OR7E24: variants seen among roughly 807,000 people sequenced by gnomAD.
The protein encoded by OR7E24 is olfactory receptor 7E24.
For synonymous variants in OR7E24, 130 were observed against 157.5 expected, an observed-to-expected ratio of 0.83 and a Z score of 1.31; for missense variants, 385 against 410.3, an observed-to-expected ratio of 0.94 and a Z score of 0.53.
the OR7E24 span, among the ~76,000 whole-genome samples, chr19:9,240,813 CTTTT>C: frequency 6.6e-6 from 1 of 151,826 alleles, no homozygotes; most frequent in Non-Finnish European, 1.5e-5. Flanking sequence ...AAGCTATTGA[CTTTT>C]TATTTATTTA....
At chr19:9,228,587 A>T in the OR7E24 span, among the ~76,000 whole-genome samples, 1,042 of 152,314 alleles carry the variant, frequency 6.8e-3, 19 homozygotes, top group Middle Eastern at 0.027. Flanking sequence ...AGAGGTAATA[A>T]ATGAAGCCCT....
the OR7E24 span, among the ~76,000 whole-genome samples, chr19:9,236,632 A>G: frequency 6.6e-6 from 1 of 151,780 alleles, no homozygotes; most frequent in African/African-American, 2.4e-5. Context: ...TCTGCTGAAG[A>G]GCTCTCTCAG....
the OR7E24 span, among the ~76,000 whole-genome samples, chr19:9,223,203 G>T: frequency 6.6e-6 from 1 of 151,980 alleles, no homozygotes; most frequent in South Asian, 2.1e-4. Flanking sequence ...TGGCTGGCTG[G>T]TCTCCTCAAG....
At chr19:9,243,293 T>A (rs1241313453), upstream of OR7E24, among the ~76,000 whole-genome samples, 7 of 151,670 alleles carry the variant, frequency 4.6e-5, no homozygotes, top group Non-Finnish European at 8.8e-5. Flanking sequence ...CTTTCCCCAA[T>A]GCATGGTGGC....
At chr19:9,242,111 T>C in the OR7E24 span, among the ~76,000 whole-genome samples, 1 of 152,206 alleles carries the variant, frequency 6.6e-6, no homozygotes, top group Admixed American at 6.5e-5. Context: ...CTAAACTTGG[T>C]TGTGTTCTTG....
At chr19:9,232,001 C>T in the OR7E24 span, among the ~76,000 whole-genome samples, 1 of 152,086 alleles carries the variant, frequency 6.6e-6, no homozygotes, top group Non-Finnish European at 1.5e-5. Context: ...ATTACTTAGG[C>T]AGCTAGTGAG....
the OR7E24 span, chr19:9,236,088 C>A: frequency 7.2e-7 from 1 of 1,390,514 alleles, no homozygotes; most frequent in East Asian, 2.3e-5. Context: ...TCTTACGGTA[C>A]ACAACCTCAG....
At chr19:9,227,548 C>T in the OR7E24 span, among the ~76,000 whole-genome samples, 6 of 151,930 alleles carry the variant, frequency 3.9e-5, no homozygotes, top group Non-Finnish European at 8.8e-5. Flanking sequence ...TTTTTTATGG[C>T]TGCATAGTAT....
chr19:9,216,229 G>C, the OR7E24 span, among the ~76,000 whole-genome samples: 1 of 152,150 alleles, frequency 6.6e-6, no homozygotes. Context: ...TCCTGCCTCT[G>C]TGGCCTCCTT....
upstream of OR7E24, chr19:9,247,651 AT>A (rs2066134349): frequency 2.5e-6 from 1 of 397,258 alleles, no homozygotes; most frequent in African/African-American, 2.1e-5. Flanking sequence ...TTCGGGGTTT[AT>A]TTTCAGGGTT....
the OR7E24 span, among the ~76,000 whole-genome samples, chr19:9,238,194 A>C: frequency 2.0e-5 from 3 of 152,182 alleles, no homozygotes; most frequent in African/African-American, 4.8e-5. Flanking sequence ...GAATGCTTGA[A>C]GCTGGGAGGC....
the OR7E24 span, chr19:9,214,477 C>T: frequency 1.2e-6 from 2 of 1,614,054 alleles, no homozygotes; most frequent in Non-Finnish European, 1.7e-6. Flanking sequence ...ACAAACCGGT[C>T]ATAGGCCATC....
chr19:9,226,610 T>G, the OR7E24 span, among the ~76,000 whole-genome samples: 121 of 152,326 alleles, frequency 7.9e-4, no homozygotes, highest in African/African-American at 2.6e-3. Context: ...TTGTGAGAGC[T>G]AAAAACATAA....
Position 9,252,068 on chromosome 19 carries a change from G to A in OR7E24, c.*5G>A. The A allele has an allele frequency of 6.2e-7, 1 of 1,608,328 alleles. No individual in the cohort carries two copies. The highest frequency in any genetic ancestry group is 8.5e-7 in the Non-Finnish European group (1 of 1,176,544). ...CCTTTTTGTTATATGGGATAGAAAT[G>A]GCAGCAAAATTTAACACCTAGGCCT... On this transcript the variant is annotated 3_prime_UTR_variant, in exon 1 of 1. Transcript: ENST00000456448.
the OR7E24 span, among the ~76,000 whole-genome samples, chr19:9,222,569 A>G: frequency 6.6e-6 from 1 of 152,154 alleles, no homozygotes. Flanking sequence ...CCAATTATAA[A>G]TAGGATTATT....
At chr19:9,248,082 T>C (rs780077311), upstream of OR7E24, among the ~76,000 whole-genome samples, 4 of 152,162 alleles carry the variant, frequency 2.6e-5, no homozygotes, top group Non-Finnish European at 5.9e-5. Context: ...AAATTTTACA[T>C]TCCTCCCATG....
At chr19:9,246,438 G>C (rs994705795), upstream of OR7E24, among the ~76,000 whole-genome samples, 7 of 146,596 alleles carry the variant, frequency 4.8e-5, no homozygotes, top group East Asian at 2.1e-4. Context: ...CATTTACGTG[G>C]GATAAAGCTT....
chr19:9,226,546 C>G, the OR7E24 span, among the ~76,000 whole-genome samples: 6 of 152,204 alleles, frequency 3.9e-5, no homozygotes, highest in African/African-American at 1.4e-4. Flanking sequence ...CAGGCTATGA[C>G]CTAATGCTTG....
the OR7E24 span, chr19:9,236,116 G>A: frequency 3.5e-6 from 4 of 1,137,262 alleles, no homozygotes; most frequent in East Asian, 4.7e-5. Context: ...AGGATGCTAT[G>A]GGTCCCTTAA....
Sources: allele counts gnomAD v4.1 joint callset (sites outside exome capture counted in the v4.1 genomes callset), GRCh38; gene constraint gnomAD v4.1.1; transcripts MANE v1.5; gene names NCBI Gene and HGNC (gene_info 2026-07-23, HGNC 2026-07-21).